ESRRG: variants seen among roughly 807,000 people sequenced by gnomAD.
ESRRG encodes the protein estrogen-related receptor gamma.
ESRRG carries 13 observed loss-of-function variants against 44.0 expected under a neutral mutation model. The observed-to-expected ratio is 0.30, with a 90% confidence interval of 0.19 to 0.47. The LOEUF is 0.47. ESRRG is among the 20% of genes least tolerant of loss of function. The probability of loss-of-function intolerance (pLI) is 1.00; values close to 1 mark genes in which losing one functional copy is unlikely to be tolerated. For synonymous variants in ESRRG, 215 were observed against 214.6 expected, an observed-to-expected ratio of 1.00 and a Z score of -0.02; for missense variants, 395 against 580.6, an observed-to-expected ratio of 0.68 and a Z score of 3.29.
intron 2 of ESRRG, among the ~76,000 whole-genome samples, chr1:216,924,155 C>T (rs1412601917): frequency 6.6e-6 from 1 of 152,108 alleles, no homozygotes; most frequent in Non-Finnish European, 1.5e-5. Context: ...TCCCACATTT[C>T]CCCCTCCACA....
Position 217,081,221 on chromosome 1 carries a change from C to CCTTTTT in ESRRG, c.-106+8285_-106+8286insAAAAAG, listed in dbSNP as rs750003890. Among the ~76,000 whole-genome samples, 220 of 70,434 alleles carry CCTTTTT rather than the reference C, an allele frequency of 3.1e-3. 2 individuals carry two copies. Among genetic ancestry groups the CCTTTTT allele is most frequent in the African/African-American group, 0.012 (204 of 16,624 alleles). The allele number at this position is 70,434 out of a possible 152,430, so 46.2% of individuals were successfully genotyped here. The stretch of plus-strand genomic sequence containing the variant: ...TCAGTGAATTATAGATAAAAATATT[C>CCTTTTT]TTTTTTTTTTTTTTTTTTTTTTTGA... On this transcript the variant is annotated intron_variant, in intron 1 of 7. Coordinates refer to the ESRRG transcript ENST00000359162.
intron 2 of ESRRG, among the ~76,000 whole-genome samples, chr1:216,879,781 C>A (rs2096414238): frequency 6.6e-6 from 1 of 152,142 alleles, no homozygotes; most frequent in African/African-American, 2.4e-5. Context: ...CTCTTTTAAT[C>A]TGTCTCCATC....
chr1:216,599,984 C>A (rs1289023699), intron 3 of ESRRG, among the ~76,000 whole-genome samples: 3 of 152,180 alleles, frequency 2.0e-5, no homozygotes, highest in Non-Finnish European at 4.4e-5. Context: ...TGGAGATGCC[C>A]CTCAGCAGAA....
chr1:217,031,367 G>T (rs1481984055), intron 1 of ESRRG, among the ~76,000 whole-genome samples: 1 of 152,196 alleles, frequency 6.6e-6, no homozygotes, highest in African/African-American at 2.4e-5. Context: ...TCCTAAAGGT[G>T]TTGGGAGAGA....
At position 216,504,282 on chromosome 1, in the gene ESRRG, C is replaced by T. The variant is rs1156246730; in HGVS notation, c.*2657G>A. On this transcript the variant is annotated 3_prime_UTR_variant, in exon 7 of 7. Transcript: ENST00000408911. ...CTTTCTGGAAAATAATCTTTTTAAA[C>T]ACTTACATATATAAATAATCTTATA... 1 of 152,176 alleles carries T rather than the reference C, an allele frequency of 6.6e-6. No individual in the cohort carries two copies. Among genetic ancestry groups the T allele is most frequent in the African/African-American group, 2.4e-5 (1 of 41,422 alleles). The allele number at this position is 152,176 out of a possible 1,614,324, so 9.4% of individuals were successfully genotyped here. A position where few individuals can be genotyped will look rare whatever the true frequency, so the allele number is the denominator to read the frequency against.
At chr1:216,534,627 A>G (rs1381159189) in intron 5 of ESRRG, among the ~76,000 whole-genome samples, 2 of 152,184 alleles carry the variant, frequency 1.3e-5, no homozygotes, top group Non-Finnish European at 2.9e-5. Flanking sequence ...GGAATGTAGG[A>G]GTTCATGTAG....
Position 216,627,436 on chromosome 1 carries a change from C to T in ESRRG, c.589+23537G>A, listed in dbSNP as rs75541245. Among the ~76,000 whole-genome samples the T allele has an allele frequency of 7.2e-3, 1,095 of 152,196 alleles. 14 individuals are homozygous for T. The highest frequency in any genetic ancestry group is 0.025 in the African/African-American group (1,044 of 41,506). Reference sequence around the variant, plus strand: ...TCGGCTTCCTCAACACATCTCAGTCCTGTTTAGTTCTATTTCCACTCTGCT... The same window carrying T: ...TCGGCTTCCTCAACACATCTCAGTCTTGTTTAGTTCTATTTCCACTCTGCT... On this transcript the variant is annotated intron_variant, in intron 3 of 6. Transcript: ENST00000408911.
intron 2 of ESRRG, among the ~76,000 whole-genome samples, chr1:216,920,383 AG>A (rs2061678795): frequency 8.1e-6 from 1 of 124,036 alleles, no homozygotes; most frequent in Non-Finnish European, 1.8e-5. Flanking sequence ...AATGTATGGG[AG>A]TGTGTGTGTG....
At chr1:216,516,636 T>TACACACACACACGCACACACAC in intron 6 of ESRRG, among the ~76,000 whole-genome samples, 1 of 130,444 alleles carries the variant, frequency 7.7e-6, no homozygotes, top group East Asian at 2.4e-4. Flanking sequence ...CACACACACA[T>TACACACACACACGCACACACAC]ACACACACAC....
chr1:217,053,348 AG>A (rs1364824438), intron 1 of ESRRG, among the ~76,000 whole-genome samples: 6 of 151,694 alleles, frequency 4.0e-5, no homozygotes, highest in Non-Finnish European at 7.4e-5. Context: ...CCAGCTGCTC[AG>A]GGGGCTGAGG....
intron 5 of ESRRG, among the ~76,000 whole-genome samples, chr1:216,534,668 C>G (rs550689395): frequency 6.6e-6 from 1 of 152,128 alleles, no homozygotes; most frequent in Admixed American, 6.5e-5. Flanking sequence ...TTCTGCTTAA[C>G]GTATTTCTGA....
At chr1:216,829,350 G>A (rs2095448271) in intron 2 of ESRRG, among the ~76,000 whole-genome samples, 3 of 152,128 alleles carry the variant, frequency 2.0e-5, no homozygotes, top group African/African-American at 7.2e-5. Context: ...ACTGGTTACC[G>A]ACCAGATACT....
chr1:216,592,448 A>G (rs1468274069), intron 3 of ESRRG, among the ~76,000 whole-genome samples: 1 of 151,034 alleles, frequency 6.6e-6, no homozygotes, highest in Non-Finnish European at 1.5e-5. Flanking sequence ...TATATTTTCC[A>G]TTCATTTTAA....
chr1:216,649,511 T>TAC (rs148634169), intron 3 of ESRRG, among the ~76,000 whole-genome samples: 24,705 of 151,234 alleles, frequency 0.16, 2,494 homozygotes, highest in South Asian at 0.32. Flanking sequence ...TATATACATA[T>TAC]ACACACACAC....
intron 1 of ESRRG, among the ~76,000 whole-genome samples, chr1:217,007,454 T>C (rs1009589501): frequency 1.3e-5 from 2 of 152,206 alleles, no homozygotes; most frequent in African/African-American, 4.8e-5. Context: ...AACACTGTTA[T>C]GGTGCTGTTG....
chr1:216,859,250 G>C (rs965868967), intron 2 of ESRRG, among the ~76,000 whole-genome samples: 1 of 152,176 alleles, frequency 6.6e-6, no homozygotes, highest in Admixed American at 6.5e-5. Flanking sequence ...TGATCTCTAA[G>C]AGATTAGAAA....
intron 2 of ESRRG, among the ~76,000 whole-genome samples, chr1:216,871,765 A>G (rs1466724092): frequency 2.0e-5 from 3 of 152,024 alleles, no homozygotes; most frequent in African/African-American, 7.2e-5. Flanking sequence ...TAGTTGCCAT[A>G]TATATTAGAT....
At chr1:216,726,094 C>G (rs576689236), upstream of ESRRG, among the ~76,000 whole-genome samples, 23 of 152,266 alleles carry the variant, frequency 1.5e-4, no homozygotes, top group Non-Finnish European at 3.1e-4. Flanking sequence ...TTGTTCTGTG[C>G]TCACAGAGAT....
At chr1:216,660,015 A>G (rs2151204186) in intron 2 of ESRRG, among the ~76,000 whole-genome samples, 1 of 152,342 alleles carries the variant, frequency 6.6e-6, no homozygotes, top group South Asian at 2.1e-4. Flanking sequence ...TATTCATTAA[A>G]AATTTAGAAT....
Sources: gnomAD v4.1 joint callset for allele counts (sites outside exome capture counted in the v4.1 genomes callset) on GRCh38, gnomAD v4.1.1 for gene constraint, MANE v1.5 for transcripts, NCBI Gene and HGNC (gene_info 2026-07-23, HGNC 2026-07-21) for gene names.